Variants in ATP2C1 observed in about 807,000 individuals in gnomAD.
ATP2C1 encodes ATPase secretory pathway Ca2+ transporting 1.
ATP2C1 carries 31 observed loss-of-function variants against 120.5 expected under a neutral mutation model. The observed-to-expected ratio is 0.26, with a 90% CI of 0.19 to 0.35. ATP2C1 has a LOEUF of 0.35. Among genes scored for constraint, ATP2C1 ranks in the 10% least tolerant of loss-of-function variants. ATP2C1 has a pLI of 1.00. For synonymous variants in ATP2C1, 351 were observed against 358.7 expected (o/e 0.98, Z 0.24); for missense variants, 731 against 1,107.5 (o/e 0.66, Z 4.83).
At chr3:131,005,109 C>CTT (rs35129703), downstream of ATP2C1, among the ~76,000 whole-genome samples, 2,073 of 92,398 alleles carry the variant, frequency 0.022, 53 homozygotes, top group African/African-American at 0.026. Context: ...TTTGAATTGT[C>CTT]TTTTTTTTTT....
At chr3:130,999,426 G>T (rs1220975601) in intron 26 of ATP2C1, 92 bp from the exon 27 acceptor site, 45 of 1,264,956 alleles carry the variant, frequency 3.6e-5, no homozygotes, top group Non-Finnish European at 4.7e-5. Context: ...GTGATAAAGT[G>T]ACACTGCTTG....
intron 1 of ATP2C1, among the ~76,000 whole-genome samples, chr3:130,883,888 A>C (rs1234307752): frequency 6.7e-6 from 1 of 150,060 alleles, no homozygotes; most frequent in Non-Finnish European, 1.5e-5. Flanking sequence ...TTGTTTCAAG[A>C]AATTTTTCAA....
Position 130,894,397 on chromosome 3 carries a change from GGGA to G in ATP2C1, c.-181+63_-181+65del, listed in dbSNP as rs377240458. On this transcript the variant is annotated intron_variant, in intron 1 of 27. Transcript: ENST00000510168. This position sits in a 1 kb window ranked among gnomAD's most constrained non-coding sequence, Gnocchi z 4.5. Reference sequence around the variant, plus strand: ...AGAAACTTCCAGGTTCTGAAGGAAGGGGAGGTTCGGGTATCCCCTGGATGGGGG... The same window carrying G: ...AGAAACTTCCAGGTTCTGAAGGAAGGGGTTCGGGTATCCCCTGGATGGGGG... 6.7e-5 allele frequency: 78 copies of G among 1,170,598 alleles called. 1 individual carries two copies. The East Asian group carries it at 2.8e-3, about 42-fold the overall frequency. 72.5% of individuals were successfully genotyped at this position (1,170,598 alleles called of 1,614,324 possible). A position where few individuals can be genotyped will look rare whatever the true frequency, so the allele number is the denominator to read the frequency against.
At chr3:130,939,411 A>G (rs1386510190) in intron 6 of ATP2C1, among the ~76,000 whole-genome samples, 2 of 152,176 alleles carry the variant, frequency 1.3e-5, no homozygotes, top group African/African-American at 4.8e-5. Context: ...TGTTTTATAT[A>G]GTCGTAATGA....
At chr3:130,913,651 A>C (rs2058549975) in intron 2 of ATP2C1, among the ~76,000 whole-genome samples, 1 of 152,132 alleles carries the variant, frequency 6.6e-6, no homozygotes. Flanking sequence ...GGGAGGTGGA[A>C]GGATGAAAAG....
At chr3:130,979,888 C>T (rs937316003) in intron 19 of ATP2C1, among the ~76,000 whole-genome samples, 3 of 152,034 alleles carry the variant, frequency 2.0e-5, no homozygotes, top group Admixed American at 6.6e-5. Context: ...AGAATAAGAG[C>T]GAAGAAGAGA....
Position 130,879,573 on chromosome 3 carries a change from C to T in ATP2C1, c.108+28645C>T, listed in dbSNP as rs146613640. 3.1e-3 allele frequency among the ~76,000 whole-genome samples: 472 copies of T among 152,130 alleles called. 3 individuals carry two copies. The highest frequency in any genetic ancestry group is 0.011 in the African/African-American group (442 of 41,488). On this transcript the variant is annotated intron_variant, in intron 1 of 26. Transcript: ENST00000504381. ...TGGTATTCTGCTACTGAAGAATTACCGTTGTTTTTTGGTGCTGTTATATTT... is the reference window on the plus strand; with the variant it reads ...TGGTATTCTGCTACTGAAGAATTACTGTTGTTTTTTGGTGCTGTTATATTT...
chr3:130,894,038 G>T, upstream of ATP2C1: 1 of 986,502 alleles, frequency 1.0e-6, no homozygotes, highest in Non-Finnish European at 1.2e-6. The surrounding 1 kb of genome is among the most constrained non-coding windows in gnomAD (Gnocchi z 4.5). Context: ...GCGACTGGGC[G>T]GCCGGCGGCG....
chr3:130,955,196 A>G, intron 10 of ATP2C1, 116 bp downstream of exon 10: 1 of 759,302 alleles, frequency 1.3e-6, no homozygotes, highest in East Asian at 2.7e-5. Context: ...TTCAGAATGG[A>G]AATCAGTTGT....
chr3:130,949,231 A>G (rs1447409819), intron 8 of ATP2C1, among the ~76,000 whole-genome samples: 2 of 152,184 alleles, frequency 1.3e-5, no homozygotes, highest in Admixed American at 6.5e-5. Context: ...CAAAGAAAAA[A>G]TTCTTGAAAT....
chr3:130,904,984 T>A (rs1006869506), intron 2 of ATP2C1, among the ~76,000 whole-genome samples: 1 of 152,088 alleles, frequency 6.6e-6, no homozygotes. Context: ...TGTTCCTGTG[T>A]CTTTTCTACA....
At chr3:130,850,672 A>G in exon 1 of ATP2C1, 1 of 451,834 alleles carries the variant, frequency 2.2e-6, no homozygotes. Flanking sequence ...CAAAAGAGGA[A>G]ACAGCAAGGA....
intron 8 of ATP2C1, among the ~76,000 whole-genome samples, chr3:130,945,385 A>T (rs2060101591): frequency 6.6e-6 from 1 of 151,902 alleles, no homozygotes; most frequent in Non-Finnish European, 1.5e-5. Flanking sequence ...TTATTATTAT[A>T]CTTTGTTTTA....
downstream of ATP2C1, among the ~76,000 whole-genome samples, chr3:131,004,362 G>T (rs2063020387): frequency 6.6e-6 from 1 of 152,210 alleles, no homozygotes; most frequent in Non-Finnish European, 1.5e-5. Flanking sequence ...GTTTCCTTGA[G>T]CTCAGTTACC....
In ATP2C1 at chr3:130,937,334, A is replaced by G. The variant is rs543935484; in HGVS notation, c.325-94A>G. On this transcript the variant is annotated intron_variant, in intron 5 of 27. Coordinates refer to ENST00000510168, the MANE Select transcript of ATP2C1 (RefSeq NM_001378687.1). Reference sequence around the variant, plus strand: ...CTGATCTCAGTGTTTAAAATCTGTTATTGTGGGACTGCAGATAGTTAGAAA... The same window carrying G: ...CTGATCTCAGTGTTTAAAATCTGTTGTTGTGGGACTGCAGATAGTTAGAAA... 3.2e-5 allele frequency: 33 copies of G among 1,029,994 alleles called. No homozygotes were observed. The African/African-American group carries it at 4.3e-4, about 13-fold the overall frequency. 63.8% of individuals were successfully genotyped at this position (1,029,994 alleles called of 1,614,324 possible).
At chr3:130,946,111 A>G (rs1411583195) in intron 8 of ATP2C1, among the ~76,000 whole-genome samples, 1 of 152,128 alleles carries the variant, frequency 6.6e-6, no homozygotes, top group Non-Finnish European at 1.5e-5. Flanking sequence ...GATTTTCTAA[A>G]TGTATCAGAC....
chr3:131,010,643 T>C (rs13093185), intron 26 of ATP2C1, among the ~76,000 whole-genome samples: 25,144 of 152,232 alleles, frequency 0.17, 2,235 homozygotes, highest in Middle Eastern at 0.22. Flanking sequence ...CATTATTTTC[T>C]AAGTTTGAGC....
intron 9 of ATP2C1, 38 bp downstream of exon 9, chr3:130,954,014 TG>T (rs1339262311): frequency 1.2e-6 from 2 of 1,606,496 alleles, no homozygotes; most frequent in Middle Eastern, 1.7e-4. Context: ...GCAGTTCCTT[TG>T]TTTGAAACTA....
At chr3:130,893,605 G>T (rs73872037), upstream of ATP2C1, among the ~76,000 whole-genome samples, 4 of 152,224 alleles carry the variant, frequency 2.6e-5, no homozygotes, top group Non-Finnish European at 4.4e-5. Flanking sequence ...TGCTGAGATT[G>T]TGACTGCCAC....
Sources: allele counts gnomAD v4.1 joint callset (sites outside exome capture counted in the v4.1 genomes callset), GRCh38; gene constraint gnomAD v4.1.1; non-coding constraint Gnocchi (gnomAD v3.1); transcripts MANE v1.5; gene names NCBI Gene and HGNC (gene_info 2026-07-23, HGNC 2026-07-21).